FAM81A: variants seen among roughly 807,000 people sequenced by gnomAD.
FAM81A encodes family with sequence similarity 81 member A, also known as protein FAM81A.
In FAM81A, 19 loss-of-function variants were observed where a neutral mutation model predicts 46.7. That is an observed-to-expected ratio of 0.41 (90% confidence interval 0.28 to 0.60). The LOEUF is 0.60. FAM81A is among the 20% of genes least tolerant of loss of function. The pLI is 0.34. For synonymous variants in FAM81A, 183 were observed against 152.9 expected (o/e 1.20, Z -1.45); for missense variants, 377 against 453.5 (o/e 0.83, Z 1.53).
Position 59,401,239 on chromosome 15 carries a change from T to C in FAM81A, c.-160-1037T>C, listed in dbSNP as rs565215721. 22 of 1,040,366 alleles carry C rather than the reference T, an allele frequency of 2.1e-5. No homozygotes were observed. The East Asian group carries it at 4.8e-4, about 22-fold the overall frequency. The allele number at this position is 1,040,366 out of a possible 1,614,324, so 64.4% of individuals were successfully genotyped here. A position where few individuals can be genotyped will look rare whatever the true frequency, so the allele number is the denominator to read the frequency against. On this transcript the variant is annotated intron_variant, in intron 1 of 4. Coordinates refer to the FAM81A transcript ENST00000558348. Reference sequence around the variant, plus strand: ...TTGCTGTCGAACCAGTAAGACTGCATTTATGCATCCATCATTTTCAGGATT... The same window carrying C: ...TTGCTGTCGAACCAGTAAGACTGCACTTATGCATCCATCATTTTCAGGATT...
intron 8 of FAM81A, among the ~76,000 whole-genome samples, chr15:59,520,139 A>G (rs2082312411): frequency 6.6e-6 from 1 of 150,998 alleles, no homozygotes; most frequent in Non-Finnish European, 1.5e-5. Flanking sequence ...CATTAGTGTT[A>G]GTGTATTTGT....
At chr15:59,490,739 G>A (rs1180251822) in intron 3 of FAM81A, among the ~76,000 whole-genome samples, 1 of 152,172 alleles carries the variant, frequency 6.6e-6, no homozygotes, top group East Asian at 1.9e-4. Context: ...GGGAGGCTGA[G>A]GCATGAGAAT....
At chr15:59,423,290 G>A (rs1396874011) in intron 2 of FAM81A, among the ~76,000 whole-genome samples, 1 of 152,024 alleles carries the variant, frequency 6.6e-6, no homozygotes, top group Non-Finnish European at 1.5e-5. Context: ...AGTAGAGACG[G>A]GGTTTCACCC....
intron 3 of FAM81A, among the ~76,000 whole-genome samples, chr15:59,476,637 A>T (rs1413549130): frequency 6.6e-6 from 1 of 151,170 alleles, no homozygotes; most frequent in African/African-American, 2.4e-5. Context: ...AATATATATA[A>T]AAATTAGCTG....
At chr15:59,516,126 GTTTTTT>G (rs540042022) in intron 7 of FAM81A, among the ~76,000 whole-genome samples, 3 of 136,548 alleles carry the variant, frequency 2.2e-5, no homozygotes, top group African/African-American at 8.1e-5. Flanking sequence ...GAATGTAGTG[GTTTTTT>G]TTTTTTTTTT....
chr15:59,458,753 C>A, intron 2 of FAM81A, 107 bp downstream of exon 2: 2 of 1,075,150 alleles, frequency 1.9e-6, no homozygotes, highest in Non-Finnish European at 2.9e-6. Context: ...TGTTCAAGGG[C>A]AAGAGAAACA....
chr15:59,430,074 A>G (rs2081212906), intron 2 of FAM81A, among the ~76,000 whole-genome samples: 1 of 152,162 alleles, frequency 6.6e-6, no homozygotes, highest in Non-Finnish European at 1.5e-5. Context: ...GCTGAAAGCA[A>G]GGGCCAGATA....
chr15:59,485,833 A>G (rs1404676555), intron 3 of FAM81A, among the ~76,000 whole-genome samples: 1 of 152,230 alleles, frequency 6.6e-6, no homozygotes, highest in Non-Finnish European at 1.5e-5. Context: ...AAGAAATTCA[A>G]GATAACACCG....
chr15:59,512,344 C>T (rs759163862), intron 6 of FAM81A, among the ~76,000 whole-genome samples: 34 of 151,620 alleles, frequency 2.2e-4, no homozygotes, highest in Admixed American at 2.6e-4. Context: ...TGGTGGTGCG[C>T]GCCTGTAGTC....
chr15:59,458,617 G>A lies in FAM81A; in HGVS notation c.-10G>A. ...TTTCCTTCTCGTGTCACCAAGGAAA[G>A]GTATAATATATGGAAAATATGCATC... is the stretch of plus-strand genomic sequence containing the variant. On this transcript the variant is annotated 5_prime_UTR_variant, in exon 2 of 9. Transcript: ENST00000288228. 1 of 1,613,862 alleles carries A rather than the reference G, an allele frequency of 6.2e-7. No homozygotes were observed.
chr15:59,417,291 G>A lies in FAM81A; in HGVS notation c.-78+14933G>A, dbSNP rs559618176. 4.1e-4 allele frequency among the ~76,000 whole-genome samples: 63 copies of A among 151,982 alleles called. 1 individual carries two copies. In the South Asian group the frequency reaches 0.013, roughly 31 times the overall value. On this transcript the variant is annotated intron_variant, in intron 2 of 4. Transcript: ENST00000558348. ...TGGTCACATGCCGTACCACCCTGTC[G>A]CCTCCCCTTTTATATTTACTTCGTT... is the stretch of plus-strand genomic sequence containing the variant.
intron 6 of FAM81A, among the ~76,000 whole-genome samples, chr15:59,509,344 C>T (rs1190944776): frequency 7.2e-5 from 11 of 152,098 alleles, no homozygotes; most frequent in African/African-American, 2.4e-4. Context: ...GTGGTAAGTG[C>T]GTTGAAGGTT....
intron 3 of FAM81A, among the ~76,000 whole-genome samples, chr15:59,475,450 C>T (rs1308366885): frequency 1.3e-5 from 2 of 152,058 alleles, no homozygotes; most frequent in African/African-American, 4.8e-5. Context: ...CTGGCCTAAA[C>T]ATGTTTCTTT....
At chr15:59,425,261 G>A (rs10851656) in intron 2 of FAM81A, among the ~76,000 whole-genome samples, 59,364 of 151,944 alleles carry the variant, frequency 0.39, 12,798 homozygotes, top group Admixed American at 0.53. Context: ...GGTGCTTGAT[G>A]GATGAAGAAA....
At chr15:59,421,254 G>C (rs1169083448) in intron 2 of FAM81A, among the ~76,000 whole-genome samples, 1 of 152,208 alleles carries the variant, frequency 6.6e-6, no homozygotes, top group Admixed American at 6.5e-5. Context: ...TAGAATTGGA[G>C]CTCAGTGGAA....
intron 3 of FAM81A, among the ~76,000 whole-genome samples, chr15:59,487,520 A>G (rs1321516770): frequency 1.3e-5 from 2 of 152,060 alleles, no homozygotes; most frequent in East Asian, 3.9e-4. Flanking sequence ...AGCTAGACTA[A>G]GAAAAAAACA....
intron 1 of FAM81A, among the ~76,000 whole-genome samples, chr15:59,456,358 A>G (rs2081484470): frequency 6.6e-6 from 1 of 152,178 alleles, no homozygotes; most frequent in Non-Finnish European, 1.5e-5. Flanking sequence ...GGGCGGAAGA[A>G]CAGGTTAGGC....
At chr15:59,521,112 G>C (rs548228944) in intron 8 of FAM81A, 142 bp from the exon 9 acceptor site, 2 of 896,894 alleles carry the variant, frequency 2.2e-6, no homozygotes, top group Admixed American at 3.4e-5. Flanking sequence ...AAACTCACCT[G>C]TTCCCCATCA....
chr15:59,509,552 A>G (rs926203202), intron 6 of FAM81A, among the ~76,000 whole-genome samples: 1 of 152,220 alleles, frequency 6.6e-6, no homozygotes, highest in African/African-American at 2.4e-5. Flanking sequence ...CAATAGGGTC[A>G]CAGTCAAGAG....
Sources: allele counts gnomAD v4.1 joint callset (sites outside exome capture counted in the v4.1 genomes callset), GRCh38; gene constraint gnomAD v4.1.1; transcripts MANE v1.5; gene names NCBI Gene and HGNC (gene_info 2026-07-23, HGNC 2026-07-21).